XXYLT1: variants seen among roughly 807,000 people sequenced by gnomAD.
XXYLT1 encodes the protein UDP-xylose:alpha-xyloside alpha-1,3-xylosyltransferase.
A neutral mutation model predicts 28.9 loss-of-function variants in XXYLT1; 20 were observed. That is an observed-to-expected ratio of 0.69 (90% confidence interval 0.49 to 1.00). The LOEUF (loss-of-function observed/expected upper bound fraction) is 1.00. Among genes scored for constraint, XXYLT1 ranks in the 50% least tolerant of loss-of-function variants. XXYLT1 has a pLI of 0.00. For missense variants in XXYLT1, 542 were observed against 560.1 expected (o/e 0.97, Z 0.33); for synonymous variants, 257 against 253.8 (o/e 1.01, Z -0.12).
intron 3 of XXYLT1, among the ~76,000 whole-genome samples, chr3:195,073,930 A>G (rs2108638170): frequency 6.6e-6 from 1 of 152,272 alleles, no homozygotes; most frequent in East Asian, 1.9e-4. Context: ...TGATGATCAC[A>G]ACCAAGGCCG....
chr3:195,148,613 C>T (rs2279630), intron 3 of XXYLT1, among the ~76,000 whole-genome samples: 50,144 of 151,932 alleles, frequency 0.33, 9,963 homozygotes, highest in East Asian at 0.81. Flanking sequence ...TAGTGAACAA[C>T]GGACCTGAAT....
intron 2 of XXYLT1, chr3:195,207,400 A>C (rs768495418): frequency 4.4e-6 from 2 of 450,632 alleles, no homozygotes. Context: ...AGGCAACAGG[A>C]AAACAGTGAC....
At chr3:195,088,289 G>A (rs1577011274) in intron 3 of XXYLT1, among the ~76,000 whole-genome samples, 1 of 150,602 alleles carries the variant, frequency 6.6e-6, no homozygotes, top group Non-Finnish European at 1.5e-5. Context: ...GTCCCTGTCT[G>A]ACAGCTTTGA....
rs568514472 is a variant in XXYLT1, at chr3:195,104,383, G to A, written c.786-34272C>T. 2.3e-4 allele frequency among the ~76,000 whole-genome samples: 35 copies of A among 152,082 alleles called. No homozygotes were observed. In the South Asian group the frequency reaches 6.6e-3, roughly 29 times the overall value. On this transcript the variant is annotated intron_variant, in intron 3 of 3. Coordinates refer to ENST00000310380, the MANE Select transcript of XXYLT1 (RefSeq NM_152531.5). ...GAGTCCCAATCATTCCTCAGCTTAA[G>A]TTCTTCTTTCTACAATACTTCACTT...
intron 2 of XXYLT1, among the ~76,000 whole-genome samples, chr3:195,181,830 T>C (rs1011139671): frequency 1.3e-5 from 2 of 152,204 alleles, no homozygotes; most frequent in Non-Finnish European, 2.9e-5. Context: ...GCCTAACTCA[T>C]GGACAATGGG....
chr3:195,140,897 G>A (rs1486806471), intron 3 of XXYLT1, among the ~76,000 whole-genome samples: 1 of 152,142 alleles, frequency 6.6e-6, no homozygotes, highest in Admixed American at 6.5e-5. Flanking sequence ...CCAGTGGGAT[G>A]GTATTCGGGG....
chr3:195,183,559 G>A (rs999526007), intron 2 of XXYLT1: 2 of 152,196 alleles, frequency 1.3e-5, no homozygotes, highest in African/African-American at 4.8e-5. Flanking sequence ...TTCAGGCTAC[G>A]ATTGGTCTGT....
intron 3 of XXYLT1, among the ~76,000 whole-genome samples, chr3:195,143,892 AT>A (rs1290271440): frequency 9.5e-5 from 11 of 116,026 alleles, no homozygotes; most frequent in Non-Finnish European, 1.8e-4. Context: ...ATATATATTT[AT>A]TTTTTATTTT....
At chr3:195,199,519 C>G (rs6788492) in intron 2 of XXYLT1, among the ~76,000 whole-genome samples, 7,688 of 151,886 alleles carry the variant, frequency 0.051, 594 homozygotes, top group African/African-American at 0.18. Context: ...GCTGAGGCAG[C>G]AGAATGGCGT....
At chr3:195,138,665 G>A (rs112069211) in intron 3 of XXYLT1, among the ~76,000 whole-genome samples, 1,881 of 152,096 alleles carry the variant, frequency 0.012, 41 homozygotes, top group African/African-American at 0.043. Flanking sequence ...GACCAGCCTG[G>A]TCAGCATGGT....
At position 195,115,818 on chromosome 3, in the gene XXYLT1, G is replaced by C. The variant is rs1213239628; in HGVS notation, c.785+40631C>G. 1.3e-5 allele frequency among the ~76,000 whole-genome samples: 2 copies of C among 152,142 alleles called. No homozygotes were observed. Among genetic ancestry groups the C allele is most frequent in the Non-Finnish European group, 2.9e-5 (2 of 68,026 alleles). ...AGTAACTAACAGTGCTTTGTCAGAG[G>C]GCGAGAGGGTCTGATGGGGGCAGCT... is the stretch of plus-strand genomic sequence containing the variant. On this transcript the variant is annotated intron_variant, in intron 3 of 3. Coordinates refer to ENST00000310380, the MANE Select transcript of XXYLT1 (RefSeq NM_152531.5). The surrounding 1 kb of genome is among the most constrained non-coding windows in gnomAD (Gnocchi z 4.2).
chr3:195,136,870 T>C (rs1440595277), intron 3 of XXYLT1, among the ~76,000 whole-genome samples: 1 of 152,170 alleles, frequency 6.6e-6, no homozygotes, highest in Non-Finnish European at 1.5e-5. Context: ...AAATAACTTA[T>C]TCTTTGTTTT....
intron 3 of XXYLT1, among the ~76,000 whole-genome samples, chr3:195,155,534 CTT>C (rs59329078): frequency 8.2e-5 from 12 of 145,570 alleles, no homozygotes; most frequent in Non-Finnish European, 7.6e-5. Flanking sequence ...TGTTCCTTTC[CTT>C]TTTTTTTTTT....
At chr3:195,230,056 C>T (rs531516449) in intron 1 of XXYLT1, among the ~76,000 whole-genome samples, 39 of 152,234 alleles carry the variant, frequency 2.6e-4, no homozygotes, top group African/African-American at 8.9e-4. Context: ...TACTGCCTGT[C>T]TTTTGGAGAA....
chr3:195,265,708 G>A (rs988785521), intron 1 of XXYLT1, among the ~76,000 whole-genome samples: 2 of 152,210 alleles, frequency 1.3e-5, no homozygotes, highest in African/African-American at 4.8e-5. Context: ...ACACACAGCA[G>A]CACTGGGCTA....
At chr3:195,157,970 G>C (rs571662145) in intron 2 of XXYLT1, among the ~76,000 whole-genome samples, 1 of 152,288 alleles carries the variant, frequency 6.6e-6, no homozygotes, top group South Asian at 2.1e-4. Context: ...AGTGTTACAG[G>C]GATCCTAGAG....
rs1723266692 is a variant in XXYLT1 at position 195,210,467 on chromosome 3, A to T, written c.652+16242T>A. On this transcript the variant is annotated intron_variant, in intron 2 of 3. Coordinates refer to ENST00000310380, the MANE Select transcript of XXYLT1 (RefSeq NM_152531.5). This position sits in a 1 kb window ranked among gnomAD's most constrained non-coding sequence, Gnocchi z 4.8. ...AAAGTTGGCTGACGTCCTGGCAAGAAGTAATAAGAGCCAGCTGATGCCTTT... is the reference window on the plus strand; with the variant it reads ...AAAGTTGGCTGACGTCCTGGCAAGATGTAATAAGAGCCAGCTGATGCCTTT... 1.3e-5 allele frequency among the ~76,000 whole-genome samples: 2 copies of T among 152,246 alleles called. No homozygotes were observed. The highest frequency in any genetic ancestry group is 1.3e-4 in the Admixed American group (2 of 15,288).
chr3:195,231,467 G>A (rs887219961), intron 1 of XXYLT1, among the ~76,000 whole-genome samples: 16 of 152,166 alleles, frequency 1.1e-4, no homozygotes, highest in African/African-American at 3.6e-4. Context: ...TCAGATCTTA[G>A]AGGAAAGGCT....
At position 195,219,935 on chromosome 3, in the gene XXYLT1, A is replaced by T. The variant is rs1050191893; in HGVS notation, c.652+6774T>A. The stretch of plus-strand genomic sequence containing the variant: ...GGGCAGAGGCTCGGGCCCAAATCCT[A>T]CCTTTTGAGGGATTTTATAACAGCT... On this transcript the variant is annotated intron_variant, in intron 2 of 3. Coordinates refer to ENST00000310380, the MANE Select transcript of XXYLT1 (RefSeq NM_152531.5). 2.0e-5 allele frequency among the ~76,000 whole-genome samples: 3 copies of T among 152,004 alleles called. No individual in the cohort carries two copies. In the South Asian group the frequency reaches 6.2e-4, roughly 32 times the overall value.
Sources: allele counts gnomAD v4.1 joint callset (sites outside exome capture counted in the v4.1 genomes callset), GRCh38; gene constraint gnomAD v4.1.1; non-coding constraint Gnocchi (gnomAD v3.1); transcripts MANE v1.5; gene names NCBI Gene and HGNC (gene_info 2026-07-23, HGNC 2026-07-21).